Variants in ADGRL4 observed in about 807,000 individuals in gnomAD.
The protein encoded by ADGRL4 is EGF, latrophilin and seven transmembrane domain containing 1.
In ADGRL4, 90 loss-of-function variants were observed where a neutral mutation model predicts 74.8. That is an observed-to-expected ratio of 1.20 (90% confidence interval 1.02 to 1.43). ADGRL4 has a LOEUF of 1.43. Among genes scored for constraint, ADGRL4 ranks in the 40% most tolerant of loss-of-function variants. ADGRL4 has a pLI of 0.00. For synonymous variants in ADGRL4, 311 were observed against 279.2 expected (o/e 1.11, Z -1.14); for missense variants, 881 against 814.3 (o/e 1.08, Z -1.00).
intron 12 of ADGRL4, among the ~76,000 whole-genome samples, chr1:78,894,838 T>C (rs1429143686): frequency 1.3e-5 from 2 of 151,922 alleles, no homozygotes; most frequent in Admixed American, 1.3e-4. Flanking sequence ...GTTCTCTAGA[T>C]CCACAAGTTT....
rs376280054 is a variant in ADGRL4 at position 78,917,733 on chromosome 1, T to C, written c.1683-33A>G. 7 of 1,589,798 alleles carry C rather than the reference T, an allele frequency of 4.4e-6. No individual in the cohort carries two copies. In the African/African-American group the frequency reaches 5.4e-5, roughly 12 times the overall value. On this transcript the variant is annotated intron_variant, in intron 11 of 14. Transcript: ENST00000370742. ...GTAAATAAAAGATAGAATCTATAAA[T>C]ATGTTTGCATGTATGTTAACATAGC...
chr1:78,906,363 G>C (rs1248591911), intron 12 of ADGRL4, among the ~76,000 whole-genome samples: 1 of 151,622 alleles, frequency 6.6e-6, no homozygotes, highest in Admixed American at 6.6e-5. Context: ...GTTTTTTTTA[G>C]TGTTTGAAGG....
intron 12 of ADGRL4, among the ~76,000 whole-genome samples, chr1:78,914,640 AC>A (rs1648832542): frequency 1.0e-5 from 1 of 99,680 alleles, no homozygotes; most frequent in Non-Finnish European, 2.4e-5. Flanking sequence ...CATAAAAGTT[AC>A]TTTTTTTTTT....
chr1:79,001,309 C>T (rs1339088947), intron 2 of ADGRL4, among the ~76,000 whole-genome samples: 1 of 151,354 alleles, frequency 6.6e-6, no homozygotes, highest in East Asian at 1.9e-4. Context: ...TTGACTACTC[C>T]TAAATTTCAA....
At chr1:78,939,114 A>T in intron 4 of ADGRL4, 74 bp downstream of exon 4, 2 of 1,437,176 alleles carry the variant, frequency 1.4e-6, no homozygotes, top group Non-Finnish European at 1.8e-6. Flanking sequence ...TCTTCTTGAA[A>T]TGTGTGACAT....
intron 2 of ADGRL4, among the ~76,000 whole-genome samples, chr1:78,963,072 T>C (rs186917377): frequency 6.6e-6 from 1 of 152,316 alleles, no homozygotes; most frequent in African/African-American, 2.4e-5. Context: ...TTTACTGATA[T>C]TTGTATTTTC....
chr1:78,968,620 C>G (rs933781440), intron 2 of ADGRL4, among the ~76,000 whole-genome samples: 12 of 152,162 alleles, frequency 7.9e-5, no homozygotes, highest in African/African-American at 2.9e-4. Context: ...ACTGGCTGAA[C>G]AGGGCTGCAG....
intron 7 of ADGRL4, among the ~76,000 whole-genome samples, chr1:78,932,613 CAA>C (rs557004722): frequency 3.5e-5 from 2 of 57,296 alleles, no homozygotes; most frequent in Non-Finnish European, 3.8e-5. Flanking sequence ...AAAACCCCTC[CAA>C]AAAAAAAAAA....
intron 2 of ADGRL4, among the ~76,000 whole-genome samples, chr1:78,976,883 T>C (rs1451408685): frequency 6.6e-6 from 1 of 151,460 alleles, no homozygotes; most frequent in East Asian, 1.9e-4. Flanking sequence ...ACATAAACTC[T>C]CCCAAAATAT....
At chr1:78,988,890 A>G (rs139897606) in intron 2 of ADGRL4, among the ~76,000 whole-genome samples, 1 of 151,994 alleles carries the variant, frequency 6.6e-6, no homozygotes, top group East Asian at 1.9e-4. Context: ...CCAGAATTAA[A>G]AATATATATG....
chr1:78,989,778 T>C (rs747922823), intron 2 of ADGRL4, among the ~76,000 whole-genome samples: 7 of 151,930 alleles, frequency 4.6e-5, no homozygotes, highest in Non-Finnish European at 1.0e-4. Flanking sequence ...AATGTAACAG[T>C]TATCACTTAT....
chr1:78,900,243 C>A (rs1648489488), intron 12 of ADGRL4, among the ~76,000 whole-genome samples: 1 of 152,056 alleles, frequency 6.6e-6, no homozygotes, highest in Non-Finnish European at 1.5e-5. Flanking sequence ...TCAATTTGGC[C>A]AACAACCTGA....
intron 12 of ADGRL4, among the ~76,000 whole-genome samples, chr1:78,916,769 C>T (rs1648880873): frequency 6.6e-6 from 1 of 151,862 alleles, no homozygotes; most frequent in Non-Finnish European, 1.5e-5. Flanking sequence ...ACGGTCAACA[C>T]ATATGGAACA....
chr1:78,956,982 A>G (rs1187488599), intron 2 of ADGRL4, among the ~76,000 whole-genome samples: 2 of 152,194 alleles, frequency 1.3e-5, no homozygotes, highest in Non-Finnish European at 2.9e-5. Flanking sequence ...TATTTTGGCA[A>G]TTCTCACAAC....
chr1:78,999,510 T>G (rs1011727384), intron 2 of ADGRL4, among the ~76,000 whole-genome samples: 10 of 152,114 alleles, frequency 6.6e-5, no homozygotes, highest in African/African-American at 2.2e-4. Context: ...GAGGCGGAGC[T>G]GGCAGTAAGC....
intron 8 of ADGRL4, among the ~76,000 whole-genome samples, chr1:78,922,877 G>A (rs1385456846): frequency 6.6e-6 from 1 of 151,956 alleles, no homozygotes; most frequent in Non-Finnish European, 1.5e-5. Flanking sequence ...TGTTCAAGGA[G>A]TAAGGATTAT....
intron 12 of ADGRL4, among the ~76,000 whole-genome samples, chr1:78,916,308 C>A (rs1227507567): frequency 5.3e-5 from 8 of 151,766 alleles, no homozygotes. Context: ...CTCCACGGAC[C>A]TTTCACTTGT....
chr1:78,938,029 C>T (rs765593759), intron 5 of ADGRL4, 39 bp from the exon 6 acceptor site: 1 of 1,604,954 alleles, frequency 6.2e-7, no homozygotes, highest in East Asian at 2.2e-5. Flanking sequence ...ATGTTGGAAT[C>T]CTACACTATT....
intron 7 of ADGRL4, among the ~76,000 whole-genome samples, chr1:78,930,223 A>C (rs80231286): frequency 0.03 from 4,591 of 151,070 alleles, 136 homozygotes; most frequent in South Asian, 0.053. Context: ...TATAGGTAAA[A>C]ATATATTACC....
Sources: allele counts gnomAD v4.1 joint callset (sites outside exome capture counted in the v4.1 genomes callset), GRCh38; gene constraint gnomAD v4.1.1; transcripts MANE v1.5; gene names NCBI Gene and HGNC (gene_info 2026-07-23, HGNC 2026-07-21).